The following TAOK3 variants were observed in gnomAD, a reference collection of about 807,000 sequenced individuals.
TAOK3 encodes serine/threonine-protein kinase TAO3.
Under a neutral mutation model 120.4 loss-of-function variants are expected in TAOK3, and 40 were observed. The observed-to-expected ratio is 0.33, with a 90% CI of 0.26 to 0.43. TAOK3 has a LOEUF of 0.43. Ranked by LOEUF, TAOK3 falls within the 20% of genes least tolerant of loss-of-function variation. TAOK3 has a pLI of 1.00. For synonymous variants in TAOK3, 355 were observed against 387.5 expected (o/e 0.92, Z 0.99); for missense variants, 821 against 1,112.1 (o/e 0.74, Z 3.72).
intron 9 of TAOK3, among the ~76,000 whole-genome samples, chr12:118,218,187 A>G (rs1054712833): frequency 6.6e-6 from 1 of 152,012 alleles, no homozygotes; most frequent in Non-Finnish European, 1.5e-5. Flanking sequence ...TATTACAGTG[A>G]TATGAACTGT....
At chr12:118,347,461 G>A (rs1294763997) in intron 1 of TAOK3, among the ~76,000 whole-genome samples, 1 of 152,122 alleles carries the variant, frequency 6.6e-6, no homozygotes, top group Non-Finnish European at 1.5e-5. Context: ...GAGGGGAGGA[G>A]GGGGAGCTTT....
chr12:118,305,606 C>T (rs576325792), intron 1 of TAOK3, among the ~76,000 whole-genome samples: 7 of 152,198 alleles, frequency 4.6e-5, no homozygotes, highest in African/African-American at 1.4e-4. Context: ...CTATTTTATG[C>T]ATGTCAAAAA....
At chr12:118,221,634 C>CTT (rs35069196) in intron 9 of TAOK3, among the ~76,000 whole-genome samples, 8,987 of 125,924 alleles carry the variant, frequency 0.071, 873 homozygotes, top group East Asian at 0.24. Context: ...TACATATAAC[C>CTT]TTTTTTTTTT....
intron 1 of TAOK3, among the ~76,000 whole-genome samples, chr12:118,310,876 C>T (rs868243301): frequency 4.6e-5 from 7 of 152,160 alleles, no homozygotes; most frequent in Non-Finnish European, 8.8e-5. Context: ...AGTTTTAGGG[C>T]AGTGGGAAAA....
At chr12:118,258,424 C>G (rs2041083959) in intron 2 of TAOK3, among the ~76,000 whole-genome samples, 1 of 152,068 alleles carries the variant, frequency 6.6e-6, no homozygotes, top group African/African-American at 2.4e-5. Flanking sequence ...AATGAGAGTT[C>G]AAAAACTGGC....
intron 19 of TAOK3, among the ~76,000 whole-genome samples, chr12:118,153,393 C>CA (rs1252386029): frequency 6.6e-6 from 1 of 152,066 alleles, no homozygotes; most frequent in East Asian, 1.9e-4. Flanking sequence ...GCTTGGCAGA[C>CA]AGAGACTTTG....
intron 9 of TAOK3, among the ~76,000 whole-genome samples, chr12:118,229,958 A>G (rs985300809): frequency 6.6e-6 from 1 of 152,090 alleles, no homozygotes; most frequent in Non-Finnish European, 1.5e-5. Flanking sequence ...ACACTTACAT[A>G]GTGCTTATTA....
chr12:118,290,430 C>G (rs1210836209), intron 1 of TAOK3, among the ~76,000 whole-genome samples: 1 of 152,170 alleles, frequency 6.6e-6, no homozygotes, highest in Admixed American at 6.5e-5. Flanking sequence ...CTGACTGTCC[C>G]CTAAGCTAGG....
chr12:118,194,969 G>C (rs1487596396), intron 13 of TAOK3, among the ~76,000 whole-genome samples: 1 of 151,910 alleles, frequency 6.6e-6, no homozygotes. Context: ...GGCTCGTCTC[G>C]AACTCCTGAA....
chr12:118,326,218 T>C (rs1295307276), intron 1 of TAOK3, among the ~76,000 whole-genome samples: 1 of 152,236 alleles, frequency 6.6e-6, no homozygotes, highest in Non-Finnish European at 1.5e-5. Flanking sequence ...TCTAGTTTCA[T>C]TCTTCTGCAT....
intron 13 of TAOK3, among the ~76,000 whole-genome samples, chr12:118,192,960 C>T (rs191009509): frequency 6.6e-6 from 1 of 151,216 alleles, no homozygotes; most frequent in African/African-American, 2.4e-5. Flanking sequence ...ATCTTTAAAA[C>T]ATTATCATCC....
chr12:118,279,211 G>A (rs990090573), intron 1 of TAOK3, among the ~76,000 whole-genome samples: 1 of 152,078 alleles, frequency 6.6e-6, no homozygotes, highest in Non-Finnish European at 1.5e-5. Context: ...CTTGTTGGTT[G>A]TGTGCATGTC....
intron 11 of TAOK3, 102 bp downstream of exon 11, chr12:118,212,812 T>C (rs1417469786): frequency 2.5e-6 from 2 of 787,976 alleles, no homozygotes; most frequent in East Asian, 2.7e-5. Context: ...CAGCACGTCC[T>C]AAACCACTTT....
At position 118,302,836 on chromosome 12, in the gene TAOK3, AT is replaced by A. The variant is rs949056593; in HGVS notation, c.-193-36078del. On this transcript the variant is annotated intron_variant, in intron 1 of 20. Coordinates refer to ENST00000392533, the MANE Select transcript of TAOK3 (RefSeq NM_016281.4). ...TCTCAAAATATTTGGAAAACACAGC[AT>A]TTTTTTTCTACAAGTGAAAATTCCA... is the stretch of plus-strand genomic sequence containing the variant. Among the ~76,000 whole-genome samples the A allele has an allele frequency of 1.4e-4, 21 of 152,140 alleles. No homozygotes were observed. The East Asian group carries it at 1.9e-3, about 14-fold the overall frequency.
intron 1 of TAOK3, among the ~76,000 whole-genome samples, chr12:118,303,030 A>G (rs533821621): frequency 6.6e-6 from 1 of 152,322 alleles, no homozygotes; most frequent in Admixed American, 6.5e-5. Context: ...TATCAAGACC[A>G]GAAAGTGGAT....
chr12:118,318,247 T>A (rs932947374), intron 1 of TAOK3, among the ~76,000 whole-genome samples: 4 of 150,106 alleles, frequency 2.7e-5, no homozygotes, highest in Non-Finnish European at 4.4e-5. Context: ...AACCTCCGCC[T>A]CCTGGGTTCA....
chr12:118,266,611 T>G (rs1458527928), intron 2 of TAOK3, 44 bp downstream of exon 2: 1 of 397,810 alleles, frequency 2.5e-6, no homozygotes, highest in Non-Finnish European at 4.4e-6. Context: ...AAAATATTAT[T>G]TTTTTCCATT....
intron 9 of TAOK3, among the ~76,000 whole-genome samples, chr12:118,228,051 A>G (rs538027801): frequency 6.6e-6 from 1 of 152,138 alleles, no homozygotes; most frequent in Admixed American, 6.6e-5. Context: ...TAAAAAAATA[A>G]GAAAGTAGAT....
chr12:118,332,515 C>T (rs2044194344), intron 1 of TAOK3, among the ~76,000 whole-genome samples: 1 of 151,968 alleles, frequency 6.6e-6, no homozygotes, highest in African/African-American at 2.4e-5. Context: ...CTCCATGGCA[C>T]CTATATCTTG....
Sources: allele counts gnomAD v4.1 joint callset (sites outside exome capture counted in the v4.1 genomes callset), GRCh38; gene constraint gnomAD v4.1.1; transcripts MANE v1.5; gene names NCBI Gene and HGNC (gene_info 2026-07-23, HGNC 2026-07-21).